WWOX: variants seen among roughly 807,000 people sequenced by gnomAD.
The protein encoded by WWOX is WW domain containing oxidoreductase, also known as WW domain-containing oxidoreductase.
In WWOX, 69 loss-of-function variants were observed where a neutral mutation model predicts 46.2. The ratio of observed to expected loss-of-function variants is 1.49; its 90% confidence interval spans 1.23 to 1.82. The LOEUF is 1.82. Ranked by LOEUF, WWOX falls within the 40% of genes most tolerant of loss-of-function variation. The pLI, the probability that WWOX is intolerant of heterozygous loss-of-function variation, is 0.00. For missense variants in WWOX, 919 were observed against 542.6 expected (o/e 1.69, Z -6.89); for synonymous variants, 359 against 202.6 (o/e 1.77, Z -6.56).
At position 78,161,141 on chromosome 16, in the gene WWOX, T is replaced by C. The variant is rs564160253; in HGVS notation, c.410-3042T>C. ...ATACAGTATACCTTTTCTATTCTTT[T>C]ACTTTTTTTATGCTTATGTTTAAAT... On this transcript the variant is annotated intron_variant, in intron 4 of 8. Coordinates refer to ENST00000566780, the MANE Select transcript of WWOX (RefSeq NM_016373.4). Among the ~76,000 whole-genome samples, 11 of 152,326 alleles carry C rather than the reference T, an allele frequency of 7.2e-5. No homozygotes were observed. The South Asian group carries it at 2.3e-3, about 32-fold the overall frequency.
At chr16:78,813,678 C>G (rs372106802) in intron 8 of WWOX, among the ~76,000 whole-genome samples, 120 of 152,234 alleles carry the variant, frequency 7.9e-4, no homozygotes, top group African/African-American at 2.8e-3. Context: ...CCTTTGAGAT[C>G]AATCACATTC....
intron 8 of WWOX, among the ~76,000 whole-genome samples, chr16:78,756,221 C>G (rs2049642547): frequency 6.6e-6 from 1 of 152,148 alleles, no homozygotes; most frequent in Non-Finnish European, 1.5e-5. Flanking sequence ...TTCTCCCTTT[C>G]CAGCTGGCCC....
At chr16:78,269,083 G>T (rs2079424529) in intron 5 of WWOX, 1 of 152,158 alleles carries the variant, frequency 6.6e-6, no homozygotes, top group African/African-American at 2.4e-5. Flanking sequence ...AGGCTAGTAT[G>T]TACAGCTTTA....
intron 8 of WWOX, among the ~76,000 whole-genome samples, chr16:79,153,551 C>T (rs535235643): frequency 6.6e-6 from 1 of 152,290 alleles, no homozygotes; most frequent in African/African-American, 2.4e-5. Flanking sequence ...CTGTGGATTA[C>T]ACTGAGTAAC....
intron 6 of WWOX, among the ~76,000 whole-genome samples, chr16:78,424,167 G>C (rs1189264352): frequency 2.8e-4 from 40 of 143,494 alleles, no homozygotes; most frequent in African/African-American, 7.1e-4. Context: ...GGTCAGGCTG[G>C]AGTGCAGTGG....
chr16:78,230,830 C>T (rs1350145765), intron 5 of WWOX, among the ~76,000 whole-genome samples: 1 of 152,186 alleles, frequency 6.6e-6, no homozygotes, highest in East Asian at 1.9e-4. Context: ...TATGTGTTCT[C>T]ACACCAATGG....
intron 6 of WWOX, among the ~76,000 whole-genome samples, chr16:78,397,249 G>C (rs1367318508): frequency 6.6e-6 from 1 of 151,168 alleles, no homozygotes; most frequent in Non-Finnish European, 1.5e-5. Context: ...CAATAACGAA[G>C]ATACTGAAGC....
At chr16:78,715,569 C>T (rs903704557) in intron 8 of WWOX, among the ~76,000 whole-genome samples, 10 of 151,882 alleles carry the variant, frequency 6.6e-5, no homozygotes, top group African/African-American at 1.9e-4. Flanking sequence ...TTGCAACCTC[C>T]GCCTCTTGGG....
At chr16:78,861,840 A>C (rs1465668678) in intron 8 of WWOX, among the ~76,000 whole-genome samples, 1 of 152,222 alleles carries the variant, frequency 6.6e-6, no homozygotes. Flanking sequence ...AATTAAATAC[A>C]CCATGTTTCC....
At chr16:79,185,886 C>A (rs1203592564) in intron 8 of WWOX, among the ~76,000 whole-genome samples, 1 of 152,024 alleles carries the variant, frequency 6.6e-6, no homozygotes, top group Non-Finnish European at 1.5e-5. Flanking sequence ...GCTCAGATAT[C>A]TGAGGCCTGA....
chr16:78,204,682 T>C (rs900470421), intron 5 of WWOX, among the ~76,000 whole-genome samples: 3 of 152,160 alleles, frequency 2.0e-5, no homozygotes, highest in African/African-American at 7.2e-5. Flanking sequence ...TCTGTTGCCA[T>C]CTGCATCATG....
At chr16:79,067,809 T>C (rs1204851530) in intron 8 of WWOX, among the ~76,000 whole-genome samples, 2 of 152,102 alleles carry the variant, frequency 1.3e-5, no homozygotes, top group Admixed American at 6.5e-5. Flanking sequence ...ATGGAATGAG[T>C]GTGCTGCTGA....
chr16:79,030,146 G>C (rs2047724452), intron 8 of WWOX, among the ~76,000 whole-genome samples: 1 of 152,154 alleles, frequency 6.6e-6, no homozygotes, highest in Admixed American at 6.5e-5. Flanking sequence ...TTATGAATAA[G>C]TAATGAAGTC....
intron 8 of WWOX, among the ~76,000 whole-genome samples, chr16:78,893,090 C>G (rs549251352): frequency 2.6e-5 from 4 of 152,032 alleles, no homozygotes; most frequent in East Asian, 1.9e-4. Context: ...GTTTCCATCT[C>G]CACCCTGCTG....
At chr16:78,340,860 C>T (rs1027671976) in intron 5 of WWOX, among the ~76,000 whole-genome samples, 1 of 118,732 alleles carries the variant, frequency 8.4e-6, no homozygotes, top group African/African-American at 2.9e-5. Flanking sequence ...TATCATGCCA[C>T]TGTTCTCACC....
At chr16:78,729,570 A>C (rs950552606) in intron 8 of WWOX, among the ~76,000 whole-genome samples, 15 of 152,156 alleles carry the variant, frequency 9.9e-5, no homozygotes, top group Admixed American at 6.5e-4. Flanking sequence ...ATATGCCTGG[A>C]GCCATCAGGT....
intron 8 of WWOX, among the ~76,000 whole-genome samples, chr16:78,474,861 C>G (rs1325513432): frequency 2.0e-5 from 3 of 152,192 alleles, no homozygotes; most frequent in Non-Finnish European, 4.4e-5. Flanking sequence ...GGTCCTTTCA[C>G]TTTGCATGCA....
intron 8 of WWOX, among the ~76,000 whole-genome samples, chr16:78,858,915 G>C (rs2052635347): frequency 6.8e-6 from 1 of 147,450 alleles, no homozygotes; most frequent in Admixed American, 6.8e-5. Context: ...CTGGGCTCAA[G>C]TTACCCTCCC....
At chr16:78,455,742 G>C (rs1020068327) in intron 8 of WWOX, among the ~76,000 whole-genome samples, 16 of 149,364 alleles carry the variant, frequency 1.1e-4, no homozygotes, top group Non-Finnish European at 2.1e-4. Context: ...TATAGCAAAG[G>C]TTCAAGTAAT....
Sources: allele counts gnomAD v4.1 joint callset (sites outside exome capture counted in the v4.1 genomes callset), GRCh38; gene constraint gnomAD v4.1.1; transcripts MANE v1.5; gene names NCBI Gene and HGNC (gene_info 2026-07-23, HGNC 2026-07-21).